TSPAN19: variants seen among roughly 807,000 people sequenced by gnomAD.
TSPAN19 encodes the protein tetraspanin-19.
In TSPAN19, 44 loss-of-function variants were observed where a neutral mutation model predicts 35.1. The observed-to-expected ratio is 1.25, with a 90% CI of 0.98 to 1.61. The LOEUF is 1.61. Among genes scored for constraint, TSPAN19 ranks in the 40% most tolerant of loss-of-function variants. The pLI, the probability that TSPAN19 is intolerant of heterozygous loss-of-function variation, is 0.00. For synonymous variants in TSPAN19, 79 were observed against 92.0 expected, an observed-to-expected ratio of 0.86 and a Z score of 0.81; for missense variants, 290 against 280.0, an observed-to-expected ratio of 1.04 and a Z score of -0.26.
intron 1 of TSPAN19, among the ~76,000 whole-genome samples, chr12:85,034,207 C>T (rs79319505): frequency 2.6e-5 from 4 of 151,930 alleles, no homozygotes; most frequent in African/African-American, 9.7e-5. Context: ...AATTACGGTG[C>T]CTCAAGAAAA....
At chr12:85,017,689 A>T in intron 6 of TSPAN19, 90 bp from the exon 7 acceptor site, 1 of 957,672 alleles carries the variant, frequency 1.0e-6, no homozygotes, top group Admixed American at 3.3e-5. Context: ...TTTGTGATGA[A>T]GATAACTCAT....
At chr12:85,029,636 C>T in intron 3 of TSPAN19, 83 bp downstream of exon 3, 4 of 1,040,090 alleles carry the variant, frequency 3.8e-6, no homozygotes, top group South Asian at 3.1e-5. Context: ...AGAAATACTG[C>T]CACCTGCTGA....
intron 4 of TSPAN19, among the ~76,000 whole-genome samples, chr12:85,025,862 C>T (rs572607012): frequency 1.3e-5 from 2 of 152,266 alleles, no homozygotes; most frequent in South Asian, 2.1e-4. Context: ...AATATTTGCC[C>T]ATAAGTTGAC....
At chr12:85,031,958 G>GA (rs1040900599) in intron 1 of TSPAN19, among the ~76,000 whole-genome samples, 1 of 151,334 alleles carries the variant, frequency 6.6e-6, no homozygotes. Context: ...AAGATAATTA[G>GA]AAAAAAAAGA....
chr12:85,023,918 A>AT (rs143392531), intron 4 of TSPAN19, among the ~76,000 whole-genome samples: 4 of 151,730 alleles, frequency 2.6e-5, no homozygotes, highest in Non-Finnish European at 2.9e-5. Flanking sequence ...AGACTATTTA[A>AT]TTTTTTTTTA....
chr12:85,033,819 T>C lies in TSPAN19; in HGVS notation c.-28+2385A>G, dbSNP rs11116690. Reference sequence around the variant, plus strand: ...CATCTGTAAATGCAGATTGTAATAGTACATGCCTCAAAGAGATGTTGTGAA... The same window carrying C: ...CATCTGTAAATGCAGATTGTAATAGCACATGCCTCAAAGAGATGTTGTGAA... On this transcript the variant is annotated intron_variant, in intron 1 of 8. Coordinates refer to ENST00000532498, the MANE Select transcript of TSPAN19 (RefSeq NM_001100917.2). Among the ~76,000 whole-genome samples, 211 of 152,252 alleles carry C rather than the reference T, an allele frequency of 1.4e-3. 1 individual carries two copies. Among genetic ancestry groups the C allele is most frequent in the Middle Eastern group, 3.4e-3 (1 of 292 alleles).
intron 1 of TSPAN19, among the ~76,000 whole-genome samples, chr12:85,031,906 G>T (rs2135818471): frequency 6.6e-6 from 1 of 151,832 alleles, no homozygotes; most frequent in Non-Finnish European, 1.5e-5. Context: ...GGGTGGTGAG[G>T]GCCAAACAAA....
At chr12:85,017,426 A>G (rs575631620) in intron 7 of TSPAN19, 30 bp downstream of exon 7, 1 of 1,576,876 alleles carries the variant, frequency 6.3e-7, no homozygotes, top group South Asian at 1.2e-5. Context: ...AATACTATAA[A>G]TACTTGTAGA....
intron 4 of TSPAN19, among the ~76,000 whole-genome samples, chr12:85,025,034 C>G (rs776339552): frequency 2.0e-5 from 3 of 151,774 alleles, no homozygotes; most frequent in Non-Finnish European, 4.4e-5. Flanking sequence ...AAAATGTAAT[C>G]TTTACATCTA....
chr12:85,028,052 G>T lies in TSPAN19; in HGVS notation c.140-29C>A, dbSNP rs773772867. ...TGAAAAGTACAAATTTACTTATTAT[G>T]AAGTGGTATTTTATATGAAGTGGTA... On this transcript the variant is annotated intron_variant, in intron 3 of 8. Coordinates refer to ENST00000532498, the MANE Select transcript of TSPAN19 (RefSeq NM_001100917.2). 4.1e-6 allele frequency: 6 copies of T among 1,472,064 alleles called. No individual in the cohort carries two copies. The East Asian group carries it at 1.4e-4, about 35-fold the overall frequency. 91.2% of individuals were successfully genotyped at this position (1,472,064 alleles called of 1,614,324 possible).
rs1876763254 is a variant in TSPAN19 at position 85,015,883 on chromosome 12, C to T, written c.678+5G>A. 1 of 1,538,434 alleles carries T rather than the reference C, an allele frequency of 6.5e-7. No individual in the cohort carries two copies. Among genetic ancestry groups the T allele is most frequent in the Non-Finnish European group, 8.8e-7 (1 of 1,137,622 alleles). ...TTTCATTTTAACATATGAACAAAAG[C>T]TTACCTCTGAAGTTAAAAGTCCAAA... is the stretch of plus-strand genomic sequence containing the variant. On this transcript the variant is annotated splice_donor_5th_base_variant and intron_variant, in intron 8 of 8. Transcript: ENST00000532498.
chr12:85,034,418 TTTCA>T (rs1877820639), intron 1 of TSPAN19, among the ~76,000 whole-genome samples: 1 of 152,158 alleles, frequency 6.6e-6, no homozygotes, highest in Non-Finnish European at 1.5e-5. Context: ...TCTCTCATTC[TTTCA>T]TTCTCTCAAT....
intron 8 of TSPAN19, chr12:85,015,174 T>C (rs1210827440): frequency 6.6e-6 from 1 of 151,954 alleles, no homozygotes; most frequent in African/African-American, 2.4e-5. Context: ...TATGTATTTG[T>C]TTTAGTGGCA....
intron 6 of TSPAN19, among the ~76,000 whole-genome samples, chr12:85,019,350 A>T (rs1876990337): frequency 1.3e-5 from 2 of 151,958 alleles, no homozygotes; most frequent in Non-Finnish European, 2.9e-5. Flanking sequence ...GTGCAGCAGG[A>T]TAGACTATCC....
intron 5 of TSPAN19, among the ~76,000 whole-genome samples, chr12:85,020,983 T>A (rs1034620843): frequency 2.0e-5 from 3 of 152,034 alleles, no homozygotes; most frequent in African/African-American, 7.2e-5. Context: ...ACAAAAATGA[T>A]CAGATTTGGA....
intron 8 of TSPAN19, 34 bp downstream of exon 8, chr12:85,015,854 T>TATTTTTC (rs764501661): frequency 1.4e-6 from 2 of 1,447,570 alleles, no homozygotes; most frequent in African/African-American, 2.8e-5. Context: ...TTATACTTAA[T>TATTTTTC]ATTTTTCATT....
Position 85,014,549 on chromosome 12 carries a change from G to C in TSPAN19, c.685C>G (p.Gln229Glu). 6.3e-7 allele frequency: 1 copy of C among 1,591,424 alleles called. No homozygotes were observed. The highest frequency in any genetic ancestry group is 8.6e-7 in the Non-Finnish European group (1 of 1,166,876). Residue 229 changes from glutamine (Q) to glutamate (E), a missense_variant, in exon 9 of 9, where the codon CAA becomes GAA. By Grantham distance (29) the Gln-to-Glu change is conservative. Coordinates refer to ENST00000532498, the MANE Select transcript of TSPAN19 (RefSeq NM_001100917.2). ...NFGLLTSEVFQVSLTVCFFKN... is the reference protein window; with the variant it reads ...NFGLLTSEVFEVSLTVCFFKN... ...AAGAAACAAACTGTTAATGAGACTT[G>C]GAAAACCTGGAAGAAAAGGGAACAA...
chr12:85,020,794 T>G (rs1877079448), intron 5 of TSPAN19, among the ~76,000 whole-genome samples: 2 of 152,082 alleles, frequency 1.3e-5, no homozygotes, highest in Non-Finnish European at 2.9e-5. Context: ...TTCACATGAC[T>G]GTCCACAAAA....
chr12:85,015,800 G>T, intron 8 of TSPAN19, 88 bp downstream of exon 8: 2 of 916,000 alleles, frequency 2.2e-6, no homozygotes, highest in Non-Finnish European at 3.3e-6. Flanking sequence ...GAACTTATCT[G>T]ATTAGGTCTC....
Sources: gnomAD v4.1 joint callset for allele counts (sites outside exome capture counted in the v4.1 genomes callset) on GRCh38, gnomAD v4.1.1 for gene constraint, MANE v1.5 for transcripts, NCBI Gene and HGNC (gene_info 2026-07-23, HGNC 2026-07-21) for gene names.